The following ZKSCAN7 variants were observed in gnomAD, a reference collection of about 807,000 sequenced individuals.
The protein encoded by ZKSCAN7 is zinc finger with KRAB and SCAN domains 7.
A neutral mutation model predicts 65.3 loss-of-function variants in ZKSCAN7; 38 were observed. That is an observed-to-expected ratio of 0.58 (90% CI 0.45 to 0.76). The LOEUF is 0.76. Among genes scored for constraint, ZKSCAN7 ranks in the 30% least tolerant of loss-of-function variants. ZKSCAN7 has a pLI of 0.00. For synonymous variants in ZKSCAN7, 321 were observed against 321.0 expected, an observed-to-expected ratio of 1.00 and a Z score of 0.00; for missense variants, 815 against 913.3, an observed-to-expected ratio of 0.89 and a Z score of 1.39.
chr3:44,567,177 A>G (rs1575368454), intron 3 of ZKSCAN7, among the ~76,000 whole-genome samples: 1 of 39,650 alleles, frequency 2.5e-5, no homozygotes, highest in Non-Finnish European at 5.4e-5. Context: ...AAGAGAAAAG[A>G]AAAGAGAGAA....
Position 44,581,239 on chromosome 3 carries a change from C to T in ZKSCAN7, c.812-1733C>T, listed in dbSNP as rs1370240694. Among the ~76,000 whole-genome samples, 4 of 147,880 alleles carry T rather than the reference C, an allele frequency of 2.7e-5. No individual in the cohort carries two copies. In the South Asian group the frequency reaches 6.2e-4, roughly 23 times the overall value. ...GACGCCCAGCTCCCGCCCGCACCGC[C>T]GCCGCCCAGCCGCCGTGGGCCCAAG... On this transcript the variant is annotated intron_variant, in intron 5 of 5. Coordinates refer to the ZKSCAN7 transcript ENST00000341840.
At chr3:44,576,963 ATCT>A (rs1418935992), downstream of ZKSCAN7, among the ~76,000 whole-genome samples, 1 of 151,724 alleles carries the variant, frequency 6.6e-6, no homozygotes, top group Non-Finnish European at 1.5e-5. Flanking sequence ...TGGAAACAAA[ATCT>A]TTTTTTTTTT....
At position 44,571,762 on chromosome 3, in the gene ZKSCAN7, T is replaced by A; in HGVS notation, c.*387T>A. The A allele has an allele frequency of 6.8e-6, 7 of 1,028,092 alleles. No individual in the cohort carries two copies. The highest frequency in any genetic ancestry group is 8.2e-6 in the Non-Finnish European group (7 of 855,380). 63.7% of individuals were successfully genotyped at this position (1,028,092 alleles called of 1,614,324 possible). On this transcript the variant is annotated 3_prime_UTR_variant, in exon 6 of 6. Coordinates refer to ENST00000426540, the MANE Select transcript of ZKSCAN7 (RefSeq NM_001288590.2). ...ATACAAAGTCATTCAAAAAGGCTGA[T>A]TCATGCCTTCCTGCCTCTTGGCTAT... is the stretch of plus-strand genomic sequence containing the variant.
intron 5 of ZKSCAN7, among the ~76,000 whole-genome samples, chr3:44,578,591 G>A (rs1699979042): frequency 6.6e-6 from 1 of 152,140 alleles, no homozygotes; most frequent in African/African-American, 2.4e-5. Context: ...CCGCTGCACC[G>A]ACTGCAGCTC....
At position 44,556,930 on chromosome 3, in the gene ZKSCAN7, G is replaced by A. The variant is rs1699310643; in HGVS notation, c.-118G>A. 15 of 1,324,706 alleles carry A rather than the reference G, an allele frequency of 1.1e-5. No homozygotes were observed. The highest frequency in any genetic ancestry group is 8.3e-5 in the Admixed American group (4 of 48,464). 82.1% of individuals were successfully genotyped at this position (1,324,706 alleles called of 1,614,324 possible). A position where few individuals can be genotyped will look rare whatever the true frequency, so the allele number is the denominator to read the frequency against. On this transcript the variant is annotated splice_region_variant and 5_prime_UTR_variant, in exon 2 of 6. Transcript: ENST00000426540. Reference sequence around the variant, plus strand: ...TCTGATTTCACTCTTGTTTCTGTAGGCCACACTACCATCACCCCTTTCTCC... The same window carrying A: ...TCTGATTTCACTCTTGTTTCTGTAGACCACACTACCATCACCCCTTTCTCC...
At chr3:44,573,090 T>A (rs150254149), downstream of ZKSCAN7, among the ~76,000 whole-genome samples, 1 of 152,174 alleles carries the variant, frequency 6.6e-6, no homozygotes, top group Non-Finnish European at 1.5e-5. Context: ...CCCTTAATTA[T>A]CATAATTGTC....
intron 5 of ZKSCAN7, chr3:44,580,486 T>C (rs1700046097): frequency 2.7e-6 from 4 of 1,469,212 alleles, no homozygotes; most frequent in Middle Eastern, 1.8e-4. Flanking sequence ...CTGCTGCTGC[T>C]GCTGGTGGTA....
At chr3:44,566,395 G>A (rs1409488078) in intron 3 of ZKSCAN7, among the ~76,000 whole-genome samples, 1 of 152,178 alleles carries the variant, frequency 6.6e-6, no homozygotes, top group South Asian at 2.1e-4. Context: ...GATTGAAGGG[G>A]AAGGCGCCTT....
chr3:44,572,390 A>G (rs919527368), downstream of ZKSCAN7, among the ~76,000 whole-genome samples: 115 of 105,550 alleles, frequency 1.1e-3, no homozygotes, highest in African/African-American at 3.3e-3. Flanking sequence ...GTGTGTGTGT[A>G]TGTATGCAAA....
At chr3:44,581,556 C>T (rs1168870109) in intron 5 of ZKSCAN7, among the ~76,000 whole-genome samples, 1 of 152,080 alleles carries the variant, frequency 6.6e-6, no homozygotes, top group African/African-American at 2.4e-5. Context: ...AAAAATATTC[C>T]TGAAGTGGAA....
chr3:44,560,643 G>A (rs1236931646), intron 2 of ZKSCAN7, among the ~76,000 whole-genome samples: 1 of 151,756 alleles, frequency 6.6e-6, no homozygotes, highest in Non-Finnish European at 1.5e-5. Flanking sequence ...TGAGTAGCTG[G>A]GACTACAGGT....
intron 2 of ZKSCAN7, among the ~76,000 whole-genome samples, chr3:44,562,423 C>T (rs1699501784): frequency 6.6e-6 from 1 of 152,218 alleles, no homozygotes; most frequent in South Asian, 2.1e-4. Flanking sequence ...TCTAAAATGC[C>T]CTGGAGACGT....
Position 44,571,229 on chromosome 3 carries a change from A to G in ZKSCAN7, c.2119A>G (p.Ile707Val), listed in dbSNP as rs752558014. Reference sequence around the variant, plus strand: ...AGCTTTTAGTGACAGCTCACAGCTTATTGTACACCAGAGAGTCCACACCGG... The same window carrying G: ...AGCTTTTAGTGACAGCTCACAGCTTGTTGTACACCAGAGAGTCCACACCGG... ...GKAFSDSSQL[I>V]VHQRVHTGEK... is the part of the protein sequence containing the mutation. The change falls in exon 6 of 6, where the codon ATT (isoleucine) becomes GTT (valine). Residue 707 changes from isoleucine (I) to valine (V), a missense_variant. By Grantham distance (29) the Ile-to-Val change is conservative. Around this residue, in one of 3 missense-constraint regions of ZKSCAN7, gnomAD observed 578 missense variants for 629.5 expected, o/e 0.92. Coordinates refer to ENST00000426540, the MANE Select transcript of ZKSCAN7 (RefSeq NM_001288590.2). 1 of 1,614,190 alleles carries G rather than the reference A, an allele frequency of 6.2e-7. No individual in the cohort carries two copies. The highest frequency in any genetic ancestry group is 1.7e-5 in the Admixed American group (1 of 60,014).
chr3:44,569,276 A>G (rs966200613), intron 5 of ZKSCAN7, among the ~76,000 whole-genome samples: 2 of 152,180 alleles, frequency 1.3e-5, no homozygotes, highest in Admixed American at 1.3e-4. Context: ...TTGCCTAAGC[A>G]TCCCTCTCTG....
At chr3:44,581,171 A>G in intron 5 of ZKSCAN7, 1 of 831,512 alleles carries the variant, frequency 1.2e-6, no homozygotes, top group South Asian at 5.4e-5. Context: ...GGCTCGCTGC[A>G]CGCGCCGAGG....
At position 44,570,101 on chromosome 3, in the gene ZKSCAN7, G is replaced by C; in HGVS notation, c.991G>C (p.Gly331Arg). 6.2e-7 allele frequency: 1 copy of C among 1,613,954 alleles called. No individual in the cohort carries two copies. The highest frequency in any genetic ancestry group is 8.5e-7 in the Non-Finnish European group (1 of 1,179,966). Residue 331 changes from glycine (G) to arginine (R), a missense_variant, in exon 6 of 6, where the codon GGG (glycine) becomes CGG (arginine). Physicochemically the swap from Gly to Arg is moderately radical, Grantham distance 125 (BLOSUM62 -2). Coordinates refer to ENST00000426540, the MANE Select transcript of ZKSCAN7 (RefSeq NM_001288590.2). Reference protein sequence around the residue: ...ELEGQTSDEEGSRLENDFLEI... With the variant: ...ELEGQTSDEERSRLENDFLEI... ...AGAAGGACAAACCTCAGATGAAGAAGGGAGCAGACTAGAAAATGATTTCTT... is the reference window on the plus strand; with the variant it reads ...AGAAGGACAAACCTCAGATGAAGAACGGAGCAGACTAGAAAATGATTTCTT...
chr3:44,569,113 G>A (rs1001217522), intron 5 of ZKSCAN7, among the ~76,000 whole-genome samples: 32 of 152,124 alleles, frequency 2.1e-4, no homozygotes, highest in Admixed American at 1.4e-3. Flanking sequence ...TAGCCATTAC[G>A]CATCATCTCA....
chr3:44,572,849 C>CAAAAAAAAAAAAAAAAAAAAAA (rs11339297), downstream of ZKSCAN7, among the ~76,000 whole-genome samples: 150 of 72,380 alleles, frequency 2.1e-3, 1 homozygote, highest in Middle Eastern at 7.0e-3. Flanking sequence ...GACTCTGTCT[C>CAAAAAAAAAAAAAAAAAAAAAA]AAAAAAAAAA....
intron 4 of ZKSCAN7, 151 bp from the exon 5 acceptor site, chr3:44,568,156 C>T: frequency 6.5e-7 from 1 of 1,532,642 alleles, no homozygotes; most frequent in Non-Finnish European, 8.8e-7. Context: ...CTCTATCTTG[C>T]CCTGGACTTG....
Sources: allele counts gnomAD v4.1 joint callset (sites outside exome capture counted in the v4.1 genomes callset), GRCh38; gene constraint gnomAD v4.1.1; regional missense constraint gnomAD v4.1.1; transcripts MANE v1.5; gene names NCBI Gene and HGNC (gene_info 2026-07-23, HGNC 2026-07-21).